Variants in ANKRD35 observed in about 807,000 individuals in gnomAD.
ANKRD35 encodes the protein ankyrin repeat domain 35.
In ANKRD35, 102 loss-of-function variants were observed where a neutral mutation model predicts 109.9. The observed-to-expected ratio is 0.93, with a 90% CI of 0.79 to 1.09. The LOEUF (loss-of-function observed/expected upper bound fraction) is 1.09, where lower values mean the gene tolerates loss of function less well. Among genes scored for constraint, ANKRD35 ranks in the 50% least tolerant of loss-of-function variants. The probability of loss-of-function intolerance (pLI) is 0.00; values close to 1 mark genes in which losing one functional copy is unlikely to be tolerated. For missense variants in ANKRD35, 1,240 were observed against 1,230.1 expected (o/e 1.01, Z -0.12); for synonymous variants, 515 against 512.4 (o/e 1.01, Z -0.07).
Position 145,879,384 on chromosome 1 carries a change from TC to T in ANKRD35, c.43del (p.Glu15ArgfsTer52), listed in dbSNP as rs782629439. Reference sequence around the variant, plus strand: ...CTTCTGATCATGGCGGTTCCATCTCTCCACCTGGTCCAGAGCCACAGGTTGT... The same window carrying T: ...CTTCTGATCATGGCGGTTCCATCTCTCACCTGGTCCAGAGCCACAGGTTGT... Reference protein sequence around the residue: ...FSCSSTQVAVERWNRHDQKLL... With the variant: ...FSCSSTQVAVXRWNRHDQKLL... On this transcript the variant is annotated frameshift_variant, in exon 2 of 14. Transcript: ENST00000355594. LOFTEE classifies it high-confidence loss of function. 4.6e-5 allele frequency: 72 copies of T among 1,570,660 alleles called. No homozygotes were observed. In the Admixed American group the frequency reaches 1.3e-3, roughly 28 times the overall value.
chr1:145,867,320 T>G lies in ANKRD35; in HGVS notation c.*10A>C. On this transcript the variant is annotated 3_prime_UTR_variant, in exon 13 of 14. Coordinates refer to ENST00000355594, the MANE Select transcript of ANKRD35 (RefSeq NM_144698.5). ...ATCTCGTATCCCTGAGGGCACACAGTGAGGCTGCCTCACTCCTCTTCCATG... is the reference window on the plus strand; with the variant it reads ...ATCTCGTATCCCTGAGGGCACACAGGGAGGCTGCCTCACTCCTCTTCCATG... 2 of 1,613,220 alleles carry G rather than the reference T, an allele frequency of 1.2e-6. No individual in the cohort carries two copies. Among genetic ancestry groups the G allele is most frequent in the South Asian group, 2.2e-5 (2 of 91,050 alleles).
chr1:145,874,293 C>T (rs1653977723), intron 8 of ANKRD35, 101 bp from the exon 9 acceptor site: 1 of 1,290,314 alleles, frequency 7.8e-7, no homozygotes, highest in Admixed American at 1.7e-5. Context: ...AGTGGCCTCT[C>T]TGTGATCAAT....
chr1:145,872,225 A>G lies in ANKRD35; in HGVS notation c.2544T>C (p.Ala848=), dbSNP rs1553738854. ...ACAGAGCCTTTAGCTCCTGGCCCCA[A>G]GCCTGAGCCTGGGCCACCAGCGAAC... ...TRGSLVAQAQ[A]WGQELKALLE... is the part of the protein sequence containing the mutation. Residue 848 remains alanine (A), a synonymous_variant, in exon 10 of 14, where the codon GCT becomes GCC. Coordinates refer to ENST00000355594, the MANE Select transcript of ANKRD35 (RefSeq NM_144698.5). 1.2e-5 allele frequency: 19 copies of G among 1,610,622 alleles called. No homozygotes were observed. The highest frequency in any genetic ancestry group is 2.2e-5 in the South Asian group (2 of 90,684).
intron 1 of ANKRD35, 112 bp from the exon 2 acceptor site, chr1:145,879,500 C>T: frequency 8.1e-7 from 1 of 1,233,850 alleles, no homozygotes; most frequent in Admixed American, 3.2e-5. Flanking sequence ...CCCTTTTTCT[C>T]TTCCACAAGT....
rs16827032 is a variant in ANKRD35, at chr1:145,868,002, T to C, written c.2932A>G (p.Asn978Asp). 3.9e-3 allele frequency: 6,263 copies of C among 1,614,128 alleles called. 121 individuals carry two copies. The highest frequency in any genetic ancestry group is 0.035 in the African/African-American group (2,636 of 75,022). Reference sequence around the variant, plus strand: ...TCCACCATGCTCACCCGAGCAGCATTCAGTAGATGATTCCTGTAGGTGGAG... The same window carrying C: ...TCCACCATGCTCACCCGAGCAGCATCCAGTAGATGATTCCTGTAGGTGGAG... The part of the protein sequence containing the change: ...IISTYRNHLL[N>D]AARGYMEHEV... Residue 978 changes from asparagine (N) to aspartate (D), a missense_variant, in exon 12 of 14, where the codon AAT becomes GAT. Asn to Asp is a conservative substitution (Grantham distance 23, BLOSUM62 1). Transcript: ENST00000355594.
chr1:145,885,635 A>T (rs587631459), intron 1 of ANKRD35, 85 bp downstream of exon 1: 1 of 1,438,270 alleles, frequency 7.0e-7, no homozygotes, highest in Non-Finnish European at 9.8e-7. Flanking sequence ...AGAAAAGGCG[A>T]TGATGCATTG....
intron 10 of ANKRD35, 75 bp downstream of exon 10, chr1:145,871,907 T>C: frequency 6.4e-7 from 1 of 1,562,632 alleles, no homozygotes; most frequent in African/African-American, 1.4e-5. Flanking sequence ...TAAAGGTTGC[T>C]GGATTCAGGT....
At position 145,873,451 on chromosome 1, in the gene ANKRD35, T is replaced by C. The variant is rs782276163; in HGVS notation, c.1318A>G (p.Thr440Ala). The change falls in exon 10 of 14, where the codon ACA (threonine) becomes GCA (alanine). Residue 440 changes from threonine to alanine, a missense_variant. Physicochemically the swap from Thr to Ala is moderately conservative, Grantham distance 58. Transcript: ENST00000355594. ...CCATTGGTAGTCAGTTGCTGTCCTG[T>C]GGCTTTCCTGATGGTCTCAGACGCT... is the stretch of plus-strand genomic sequence containing the variant. ...SPASETIRKA[T>A]GQQLTTNGAQ... 18 of 1,613,890 alleles carry C rather than the reference T, an allele frequency of 1.1e-5. 1 individual carries two copies. In the South Asian group the frequency reaches 2.0e-4, roughly 18 times the overall value.
At chr1:145,874,689 C>T in intron 8 of ANKRD35, 133 bp downstream of exon 8, 3 of 1,133,938 alleles carry the variant, frequency 2.6e-6, no homozygotes, top group Non-Finnish European at 3.6e-6. Flanking sequence ...CTCACAGTAG[C>T]AGCAATAAAT....
chr1:145,872,849 C>A lies in ANKRD35; in HGVS notation c.1920G>T (p.Arg640Ser), dbSNP rs1653893316. 6.2e-7 allele frequency: 1 copy of A among 1,614,004 alleles called. No individual in the cohort carries two copies. The highest frequency in any genetic ancestry group is 1.7e-5 in the Admixed American group (1 of 60,010). Reference sequence around the variant, plus strand: ...TCAGGGACTGTAGCTCCCTCTGCAACCTCTGCCGCTCCCGCCCCAACTCCC... The same window carrying A: ...TCAGGGACTGTAGCTCCCTCTGCAAACTCTGCCGCTCCCGCCCCAACTCCC... ...ELGELGRERQ[R>S]LQRELQSLSQ... Residue 640 changes from arginine to serine, a missense_variant, in exon 10 of 14, where the codon AGG (arginine) becomes AGT (serine). By Grantham distance (110) the Arg-to-Ser change is moderately radical. Coordinates refer to ENST00000355594, the MANE Select transcript of ANKRD35 (RefSeq NM_144698.5).
intron 10 of ANKRD35, among the ~76,000 whole-genome samples, chr1:145,871,553 C>G (rs1386251544): frequency 2.6e-5 from 4 of 152,190 alleles, no homozygotes; most frequent in Non-Finnish European, 5.9e-5. Context: ...AAGAGCAGCT[C>G]TCGCTGGGTC....
rs371621144 is a variant in ANKRD35 at position 145,868,292 on chromosome 1, C to T, written c.2877+19G>A. ...GCTGACCTTCTTCTCCAGCACCATC[C>T]CTGACAGCCAAAACATACCTGCAGC... On this transcript the variant is annotated intron_variant, in intron 11 of 13. Coordinates refer to ENST00000355594, the MANE Select transcript of ANKRD35 (RefSeq NM_144698.5). 7.4e-6 allele frequency: 12 copies of T among 1,613,428 alleles called. No homozygotes were observed. Among genetic ancestry groups the T allele is most frequent in the Admixed American group, 1.7e-5 (1 of 59,984 alleles).
At chr1:145,871,121 T>TTTCTTTCTTTC (rs1570794263) in intron 10 of ANKRD35, among the ~76,000 whole-genome samples, 1,337 of 112,054 alleles carry the variant, frequency 0.012, 26 homozygotes, top group Middle Eastern at 0.018. Context: ...TTCAAGCTTT[T>TTTCTTTCTTTC]TTTCTTTCTT....
Position 145,876,167 on chromosome 1 carries a change from C to T in ANKRD35, c.533G>A (p.Arg178Gln), listed in dbSNP as rs370459651. The T allele has an allele frequency of 8.7e-6, 14 of 1,613,826 alleles. No individual in the cohort carries two copies. Among genetic ancestry groups the T allele is most frequent in the African/African-American group, 2.7e-5 (2 of 74,896 alleles). ...ICSQLLQRGA[R>Q]VNVTDKNDKS... ...GTCATTCTTGTCTGTAACATTAACT[C>T]GGGCGCCTCGCTGCAGCAGCTGTGA... Residue 178 changes from arginine to glutamine, a missense_variant, in exon 7 of 14, where the codon CGA (arginine) becomes CAA (glutamine). Arg to Gln is a conservative substitution (Grantham distance 43). Coordinates refer to ENST00000355594, the MANE Select transcript of ANKRD35 (RefSeq NM_144698.5).
intron 4 of ANKRD35, 39 bp downstream of exon 4, chr1:145,877,929 C>A (rs1267948931): frequency 6.3e-7 from 1 of 1,591,774 alleles, no homozygotes; most frequent in Admixed American, 1.7e-5. Context: ...GGGACCACTT[C>A]TTCCCTTCAT....
At position 145,873,177 on chromosome 1, in the gene ANKRD35, G is replaced by T. The variant is rs369584329; in HGVS notation, c.1592C>A (p.Ala531Glu). The T allele has an allele frequency of 1.9e-6, 3 of 1,614,086 alleles. No individual in the cohort carries two copies. In the Admixed American group the frequency reaches 5.0e-5, roughly 27 times the overall value. ...GGCTTCCATCTTCTCCCAGGCAGCTGCTGCTGCCTCAGCACGGGGAGTCCC... is the reference window on the plus strand; with the variant it reads ...GGCTTCCATCTTCTCCCAGGCAGCTTCTGCTGCCTCAGCACGGGGAGTCCC... The part of the protein sequence containing the change: ...ALGTPRAEAA[A>E]AAWEKMEARL... The change falls in exon 10 of 14, where the codon GCA (alanine) becomes GAA (glutamate). Residue 531 changes from alanine to glutamate, a missense_variant. Coordinates refer to ENST00000355594, the MANE Select transcript of ANKRD35 (RefSeq NM_144698.5).
rs1553740712 is a variant in ANKRD35 at position 145,879,319 on chromosome 1, C to A, written c.109G>T (p.Ala37Ser). 6.2e-7 allele frequency: 1 copy of A among 1,611,194 alleles called. No individual in the cohort carries two copies. Among genetic ancestry groups the A allele is most frequent in the African/African-American group, 1.3e-5 (1 of 74,792 alleles). The change falls in exon 2 of 14, where the codon GCT (alanine) becomes TCT (serine). Residue 37 changes from alanine to serine, a missense_variant. Transcript: ENST00000355594. ...GCAGATTTCCTGGAGGCCAGGGCAG[C>A]CACGCGTCCCACATCCCCCCTGTGC... Reference protein sequence around the residue: ...AVHRGDVGRVAALASRKSARP... With the variant: ...AVHRGDVGRVSALASRKSARP...
chr1:145,868,495 T>A lies in ANKRD35; in HGVS notation c.2788-95A>T, dbSNP rs1310326507. On this transcript the variant is annotated intron_variant, in intron 10 of 13. Transcript: ENST00000355594. ...TTCCTTTTACTGAGTATTTAATATG[T>A]GCCAATTTTATACAAATTGTCTCAT... 5 of 994,062 alleles carry A rather than the reference T, an allele frequency of 5.0e-6. No homozygotes were observed. The African/African-American group carries it at 8.1e-5, about 16-fold the overall frequency. The allele number at this position is 994,062 out of a possible 1,614,324, so 61.6% of individuals were successfully genotyped here.
intron 1 of ANKRD35, among the ~76,000 whole-genome samples, chr1:145,883,178 G>A (rs587705320): frequency 1.0e-4 from 15 of 149,182 alleles, no homozygotes; most frequent in Non-Finnish European, 1.2e-4. Flanking sequence ...TCCGCCTCCC[G>A]GGTTCAAGCG....
Sources: allele counts gnomAD v4.1 joint callset (sites outside exome capture counted in the v4.1 genomes callset), GRCh38; gene constraint gnomAD v4.1.1; transcripts MANE v1.5; gene names NCBI Gene and HGNC (gene_info 2026-07-23, HGNC 2026-07-21).